The following BANK1 variants were observed in gnomAD, a reference collection of about 807,000 sequenced individuals.
The protein encoded by BANK1 is B-cell scaffold protein with ankyrin repeats.
In BANK1, 95 loss-of-function variants were observed where a neutral mutation model predicts 94.5. The ratio of observed to expected loss-of-function variants is 1.00; its 90% CI spans 0.85 to 1.19. BANK1 has a LOEUF of 1.19. BANK1 is among the 50% of genes most tolerant of loss of function. The pLI, the probability that BANK1 is intolerant of heterozygous loss-of-function variation, is 0.00. For missense variants in BANK1, 987 were observed against 932.2 expected (o/e 1.06, Z -0.77); for synonymous variants, 334 against 308.4 (o/e 1.08, Z -0.87).
At chr4:101,818,202 G>A (rs1183799581) in intron 1 of BANK1, among the ~76,000 whole-genome samples, 1 of 152,144 alleles carries the variant, frequency 6.6e-6, no homozygotes. Flanking sequence ...GTAAGTCAGG[G>A]AAAGGTTACT....
At chr4:101,998,369 G>A (rs1295178543) in intron 7 of BANK1, among the ~76,000 whole-genome samples, 1 of 152,156 alleles carries the variant, frequency 6.6e-6, no homozygotes, top group Admixed American at 6.5e-5. Context: ...AGTGCGGTGT[G>A]GTGCTGAGAA....
Position 101,790,836 on chromosome 4 carries a change from C to A in BANK1, c.-45C>A. 1 of 1,526,912 alleles carries A rather than the reference C, an allele frequency of 6.5e-7. No homozygotes were observed. The highest frequency in any genetic ancestry group is 8.8e-7 in the Non-Finnish European group (1 of 1,137,870). 94.6% of individuals were successfully genotyped at this position (1,526,912 alleles called of 1,614,324 possible). On this transcript the variant is annotated 5_prime_UTR_variant, in exon 1 of 17. Coordinates refer to ENST00000322953, the MANE Select transcript of BANK1 (RefSeq NM_017935.5). ...TCTGGCCGGGAGAGTCCAGGTAGCG[C>A]TCGGCGGGCAGCAGTGCGCAGGCCC...
chr4:101,872,294 G>A (rs926153018), intron 5 of BANK1, among the ~76,000 whole-genome samples: 2 of 152,132 alleles, frequency 1.3e-5, no homozygotes, highest in Non-Finnish European at 2.9e-5. Flanking sequence ...GGCAGGTTTA[G>A]AGGTTTTGCA....
At chr4:101,863,139 A>G (rs1727943073) in intron 4 of BANK1, among the ~76,000 whole-genome samples, 1 of 151,924 alleles carries the variant, frequency 6.6e-6, no homozygotes, top group Non-Finnish European at 1.5e-5. Context: ...TGTACATATA[A>G]TCTTCTCATC....
intron 10 of BANK1, among the ~76,000 whole-genome samples, chr4:102,043,438 A>T (rs1727769858): frequency 6.6e-6 from 1 of 152,044 alleles, no homozygotes; most frequent in African/African-American, 2.4e-5. Flanking sequence ...ATTTAAGGAG[A>T]AACAGTCATT....
chr4:101,937,410 C>G (rs981432374), intron 7 of BANK1, among the ~76,000 whole-genome samples: 2 of 151,814 alleles, frequency 1.3e-5, no homozygotes, highest in South Asian at 4.1e-4. Context: ...ACAAACAACT[C>G]CATCGAAAAG....
intron 7 of BANK1, among the ~76,000 whole-genome samples, chr4:101,985,151 C>T (rs992989954): frequency 2.6e-4 from 40 of 152,150 alleles, no homozygotes; most frequent in African/African-American, 9.4e-4. Flanking sequence ...ACCAGGAGAG[C>T]CAATGGTGTA....
intron 2 of BANK1, among the ~76,000 whole-genome samples, chr4:101,847,198 A>AGTGTGT (rs10542109): frequency 1.6e-4 from 23 of 147,824 alleles, no homozygotes; most frequent in South Asian, 1.3e-3. Flanking sequence ...GGGTTGGCAG[A>AGTGTGT]GTGTGTGTGT....
chr4:101,856,094 G>A (rs1727669438), intron 3 of BANK1, among the ~76,000 whole-genome samples: 1 of 152,110 alleles, frequency 6.6e-6, no homozygotes, highest in Admixed American at 6.5e-5. Flanking sequence ...CCAGTGACAG[G>A]GGCTCACTGA....
chr4:101,922,793 T>A (rs1407285615), intron 7 of BANK1, among the ~76,000 whole-genome samples: 1 of 151,860 alleles, frequency 6.6e-6, no homozygotes, highest in African/African-American at 2.4e-5. Flanking sequence ...GTCACATAAT[T>A]GCATTTGACT....
chr4:101,901,217 A>G (rs773825254), intron 6 of BANK1, among the ~76,000 whole-genome samples: 7 of 152,244 alleles, frequency 4.6e-5, no homozygotes, highest in Non-Finnish European at 4.4e-5. Context: ...GGTATTATTT[A>G]TAGAGCAAAT....
rs941054744 is a variant in BANK1, at chr4:102,035,394, A to T, written c.1900+5129A>T. Among the ~76,000 whole-genome samples, 5 of 151,998 alleles carry T rather than the reference A, an allele frequency of 3.3e-5. No individual in the cohort carries two copies. In the South Asian group the frequency reaches 1.0e-3, roughly 32 times the overall value. ...CCAGGCACGGTGGCTCACGCCTGTAATCCCAGTACTTTGGGAGGCCGAGGC... is the reference window on the plus strand; with the variant it reads ...CCAGGCACGGTGGCTCACGCCTGTATTCCCAGTACTTTGGGAGGCCGAGGC... On this transcript the variant is annotated intron_variant, in intron 10 of 16. Coordinates refer to ENST00000322953, the MANE Select transcript of BANK1 (RefSeq NM_017935.5).
chr4:102,032,881 T>A lies in BANK1; in HGVS notation c.1900+2616T>A, dbSNP rs564033730. On this transcript the variant is annotated intron_variant, in intron 10 of 16. Coordinates refer to ENST00000322953, the MANE Select transcript of BANK1 (RefSeq NM_017935.5). The stretch of plus-strand genomic sequence containing the variant: ...GCCTGAGCGACAGAGTGAGACTCCA[T>A]CAAAAAATATAAAAATAAAAAAAAA... 2.8e-5 allele frequency among the ~76,000 whole-genome samples: 4 copies of A among 141,006 alleles called. No individual in the cohort carries two copies. The East Asian group carries it at 8.2e-4, about 29-fold the overall frequency. 92.5% of individuals were successfully genotyped at this position (141,006 alleles called of 152,430 possible).
chr4:101,893,414 A>T (rs1337438365), intron 5 of BANK1, among the ~76,000 whole-genome samples: 2 of 152,076 alleles, frequency 1.3e-5, no homozygotes, highest in East Asian at 3.8e-4. Context: ...TTTTAAAAAG[A>T]AATGGCGATG....
chr4:101,875,793 T>C (rs763706833), intron 5 of BANK1, among the ~76,000 whole-genome samples: 3 of 152,188 alleles, frequency 2.0e-5, no homozygotes, highest in Non-Finnish European at 2.9e-5. Flanking sequence ...TAAAGTGGTC[T>C]GTGGCACAAA....
At chr4:101,916,398 T>C (rs1368568887) in intron 6 of BANK1, among the ~76,000 whole-genome samples, 1 of 152,020 alleles carries the variant, frequency 6.6e-6, no homozygotes, top group Non-Finnish European at 1.5e-5. Context: ...TGAGAACAAA[T>C]GGATTGCATG....
At chr4:102,019,002 G>A (rs1223162688) in intron 7 of BANK1, among the ~76,000 whole-genome samples, 1 of 151,786 alleles carries the variant, frequency 6.6e-6, no homozygotes, top group Non-Finnish European at 1.5e-5. Context: ...ATTTTTAGTA[G>A]AGACAGAGTT....
At chr4:101,847,034 A>G (rs1372587875) in intron 2 of BANK1, among the ~76,000 whole-genome samples, 5 of 152,214 alleles carry the variant, frequency 3.3e-5, no homozygotes. Context: ...TTACTCATAT[A>G]TCGTTTGCCT....
chr4:101,848,179 T>C (rs1249448708), intron 2 of BANK1, among the ~76,000 whole-genome samples: 2 of 152,148 alleles, frequency 1.3e-5, no homozygotes, highest in Non-Finnish European at 2.9e-5. Context: ...CTTTCCCACT[T>C]CCGCAGTTGG....
Sources: allele counts gnomAD v4.1 joint callset (sites outside exome capture counted in the v4.1 genomes callset), GRCh38; gene constraint gnomAD v4.1.1; transcripts MANE v1.5; gene names NCBI Gene and HGNC (gene_info 2026-07-23, HGNC 2026-07-21).